Variants in ZSCAN12 observed in about 807,000 individuals in gnomAD.
ZSCAN12 encodes zinc finger and SCAN domain-containing protein 12.
A neutral mutation model predicts 23.4 loss-of-function variants in ZSCAN12; 18 were observed. The ratio of observed to expected loss-of-function variants is 0.77; its 90% CI spans 0.53 to 1.14. ZSCAN12 has a LOEUF of 1.14. ZSCAN12 is among the 50% of genes most tolerant of loss of function. The pLI is 0.00. For synonymous variants in ZSCAN12, 186 were observed against 253.4 expected (o/e 0.73, Z 2.53); for missense variants, 650 against 735.0 (o/e 0.88, Z 1.34).
chr6:28,387,920 G>T lies in ZSCAN12; in HGVS notation c.*2534C>A, dbSNP rs1377977743. Among the ~76,000 whole-genome samples, 1 of 152,180 alleles carries T rather than the reference G, an allele frequency of 6.6e-6. No homozygotes were observed. Among genetic ancestry groups the T allele is most frequent in the African/African-American group, 2.4e-5 (1 of 41,446 alleles). ...TGACTTAAGATGGTACTTTAGGACAGTAGTCTACCATCGTCTCAGTTTGCT... is the reference window on the plus strand; with the variant it reads ...TGACTTAAGATGGTACTTTAGGACATTAGTCTACCATCGTCTCAGTTTGCT... On this transcript the variant is annotated 3_prime_UTR_variant, in exon 4 of 4. Transcript: ENST00000684592.
At chr6:28,393,471 A>AC (rs1760960555) in intron 2 of ZSCAN12, among the ~76,000 whole-genome samples, 1 of 128,062 alleles carries the variant, frequency 7.8e-6, no homozygotes, top group East Asian at 2.2e-4. Context: ...TAGAGAAATG[A>AC]TAAAAAAAAA....
rs964052889 is a variant in ZSCAN12, at chr6:28,391,976, G to C, written c.548-234C>G. On this transcript the variant is annotated intron_variant, in intron 3 of 3. Coordinates refer to ENST00000684592, the MANE Select transcript of ZSCAN12 (RefSeq NM_001163391.2). The surrounding 1 kb of genome is among the most constrained non-coding windows in gnomAD (Gnocchi z 4.1). ...ATTTCAGAGTAGGAGGAAGAGACTA[G>C]GTGGCTGGGAAAATCGAGTAGAATA... Among the ~76,000 whole-genome samples the C allele has an allele frequency of 6.6e-6, 1 of 152,220 alleles. No individual in the cohort carries two copies. Among genetic ancestry groups the C allele is most frequent in the East Asian group, 1.9e-4 (1 of 5,176 alleles).
At chr6:28,395,676 CAG>C in intron 2 of ZSCAN12, among the ~76,000 whole-genome samples, 1 of 152,348 alleles carries the variant, frequency 6.6e-6, no homozygotes, top group African/African-American at 2.4e-5. Context: ...CTTTCCATCT[CAG>C]AATACAATTC....
rs1760922602 is a variant in ZSCAN12, at chr6:28,392,911, G to A, written c.538C>T (p.Gln180Ter). 6.4e-7 allele frequency: 1 copy of A among 1,552,038 alleles called. No individual in the cohort carries two copies. Among genetic ancestry groups the A allele is most frequent in the Admixed American group, 2.0e-5 (1 of 50,978 alleles). ...KYESPELESQQEQVLDVETGN... is the reference protein window; with the variant it reads ...KYESPELESQ ...GGTCTTTCTTCTTTACCTTGCTCCT[G>A]TTGGGATTCAAGTTCTGGAGATTCA... The change falls in exon 3 of 4, where the codon CAG (glutamine) becomes TAG (stop). Residue 180 changes from glutamine (Q) to a stop codon, truncating the protein, a stop_gained. Transcript: ENST00000684592. LOFTEE classifies it low-confidence loss of function (END_TRUNC).
intron 2 of ZSCAN12, 44 bp from the exon 3 acceptor site, chr6:28,393,090 G>A (rs1376261879): frequency 1.3e-6 from 2 of 1,540,554 alleles, no homozygotes; most frequent in Admixed American, 4.1e-5. Flanking sequence ...TCTGATAACA[G>A]AAAACAAAAA....
In ZSCAN12 at chr6:28,398,019, A is replaced by T; in HGVS notation, c.387T>A (p.Asp129Glu). The change falls in exon 2 of 4, where the codon GAT becomes GAA. Residue 129 changes from aspartate (D) to glutamate (E), a missense_variant. Coordinates refer to ENST00000684592, the MANE Select transcript of ZSCAN12 (RefSeq NM_001163391.2). ...TVLEDLERELDEPGEQVSVHT... is the reference protein window; with the variant it reads ...TVLEDLERELEEPGEQVSVHT... ...TTTTTCTCACCTGCTCTCCTGGTTC[A>T]TCCAGTTCTCTCTCTAAATCCTCCA... 4.4e-6 allele frequency: 7 copies of T among 1,599,704 alleles called. No individual in the cohort carries two copies. Among genetic ancestry groups the T allele is most frequent in the Non-Finnish European group, 6.0e-6 (7 of 1,174,338 alleles).
In ZSCAN12 at chr6:28,385,796, A is replaced by G. The variant is rs1760513035; in HGVS notation, c.*4658T>C. Among the ~76,000 whole-genome samples, 1 of 152,248 alleles carries G rather than the reference A, an allele frequency of 6.6e-6. No homozygotes were observed. Among genetic ancestry groups the G allele is most frequent in the African/African-American group, 2.4e-5 (1 of 41,474 alleles). On this transcript the variant is annotated 3_prime_UTR_variant, in exon 4 of 4. Coordinates refer to ENST00000684592, the MANE Select transcript of ZSCAN12 (RefSeq NM_001163391.2). ...TTTTCTCAATTCCAAAAGATGGCCA[A>G]TAAGAACAGCTTTGTTTTGACTATA... is the stretch of plus-strand genomic sequence containing the variant.
intron 2 of ZSCAN12, among the ~76,000 whole-genome samples, chr6:28,397,398 C>A (rs997687237): frequency 1.3e-5 from 2 of 152,194 alleles, no homozygotes; most frequent in Non-Finnish European, 2.9e-5. Context: ...TTAGGGGCAT[C>A]TGTCCTACAG....
Position 28,398,289 on chromosome 6 carries a change from G to C in ZSCAN12, c.117C>G (p.Thr39=). 1 of 1,601,198 alleles carries C rather than the reference G, an allele frequency of 6.2e-7. No individual in the cohort carries two copies. Among genetic ancestry groups the C allele is most frequent in the Non-Finnish European group, 8.5e-7 (1 of 1,173,750 alleles). Residue 39 remains threonine (T), a synonymous_variant, in exon 2 of 4, where the codon ACC becomes ACG. Coordinates refer to ENST00000684592, the MANE Select transcript of ZSCAN12 (RefSeq NM_001163391.2). ...ACTGACGGAAGACCTCTCTGCTATG[G>C]GTGTTGTTTTTACGCAGGTCCCAAT... ...RQDWDLRKNN[T]HSREVFRQYF...
chr6:28,398,159 C>A lies in ZSCAN12; in HGVS notation c.247G>T (p.Glu83Ter). 6.2e-7 allele frequency: 1 copy of A among 1,614,126 alleles called. No individual in the cohort carries two copies. The highest frequency in any genetic ancestry group is 8.5e-7 in the Non-Finnish European group (1 of 1,180,004). The change falls in exon 2 of 4, where the codon GAA becomes TAA. Residue 83 changes from glutamate (E) to a stop codon, truncating the protein, a stop_gained. Coordinates refer to ENST00000684592, the MANE Select transcript of ZSCAN12 (RefSeq NM_001163391.2). LOFTEE classifies it high-confidence loss of function. ...AGCACCAGCAGCTCCAGAATCTGTT[C>A]TTTGGTGTGGGTCTCTGGCCTCAGC... ...QWLRPETHTK[E>*]QILELLVLEQ... is the part of the protein sequence containing the mutation.
At position 28,390,719 on chromosome 6, in the gene ZSCAN12, G is replaced by A. The variant is rs1561957916; in HGVS notation, c.1571C>T (p.Pro524Leu). ...ATTCCCACACTCATCACACTTGTAG[G>A]GCCTCTCTCCAGTGTGGATTCTCTG... ...EHQRIHTGER[P>L]YKCDECGNAF... The change falls in exon 4 of 4, where the codon CCC (proline) becomes CTC (leucine). Residue 524 changes from proline (P) to leucine (L), a missense_variant. Physicochemically the swap from Pro to Leu is moderately conservative, Grantham distance 98. Transcript: ENST00000684592. 6.2e-7 allele frequency: 1 copy of A among 1,612,266 alleles called. No homozygotes were observed. Among genetic ancestry groups the A allele is most frequent in the Non-Finnish European group, 8.5e-7 (1 of 1,179,126 alleles).
At chr6:28,382,367 TA>T, downstream of ZSCAN12, 1 of 1,393,596 alleles carries the variant, frequency 7.2e-7, no homozygotes, top group Non-Finnish European at 9.3e-7. Context: ...GACAGCTCTG[TA>T]AAGTCCAGGT....
intron 1 of ZSCAN12, among the ~76,000 whole-genome samples, 158 bp from the exon 2 acceptor site, chr6:28,398,631 A>G (rs1188156183): frequency 6.6e-6 from 1 of 152,004 alleles, no homozygotes; most frequent in Non-Finnish European, 1.5e-5. Context: ...GATTAGACCG[A>G]TTTAGGCCGG....
At chr6:28,383,707 AG>A (rs1418580610), downstream of ZSCAN12, among the ~76,000 whole-genome samples, 1 of 152,180 alleles carries the variant, frequency 6.6e-6, no homozygotes, top group Non-Finnish European at 1.5e-5. Flanking sequence ...ACAAAAGGGA[AG>A]AAATCTCTCC....
In ZSCAN12 at chr6:28,393,052, G is replaced by A. The variant is rs1479783197; in HGVS notation, c.403-6C>T. ...TCCCCAGTGTGGACTGAGACCTGAG[G>A]AAAATGAGATGTAGCTGACAGACTC... On this transcript the variant is annotated splice_polypyrimidine_tract_variant and splice_region_variant and intron_variant, in intron 2 of 3. Transcript: ENST00000684592. The A allele has an allele frequency of 6.4e-7, 1 of 1,551,010 alleles. No homozygotes were observed. The highest frequency in any genetic ancestry group is 8.7e-7 in the Non-Finnish European group (1 of 1,146,752).
downstream of ZSCAN12, chr6:28,382,276 GC>G: frequency 1.7e-6 from 1 of 583,052 alleles, no homozygotes; most frequent in Non-Finnish European, 2.6e-6. Flanking sequence ...GGAACTACTG[GC>G]AAAGCTTCCT....
Position 28,391,012 on chromosome 6 carries a change from G to A in ZSCAN12, c.1278C>T (p.Asn426=). The change falls in exon 4 of 4, where the codon AAC becomes AAT. Residue 426 remains asparagine, a synonymous_variant. Transcript: ENST00000684592. This position sits in a 1 kb window ranked among gnomAD's most constrained non-coding sequence, Gnocchi z 4.1. The part of the protein sequence containing the change: ...CNECGKAFVY[N]SSLVSHQEIH... ...TTTCCTGATGGGAAACAAGGGATGA[G>A]TTATAAACAAAGGCTTTTCCACACT... is the stretch of plus-strand genomic sequence containing the variant. 6.4e-7 allele frequency: 1 copy of A among 1,556,670 alleles called. No individual in the cohort carries two copies. Among genetic ancestry groups the A allele is most frequent in the East Asian group, 2.4e-5 (1 of 41,498 alleles).
downstream of ZSCAN12, among the ~76,000 whole-genome samples, chr6:28,384,684 A>C (rs1296897738): frequency 6.6e-6 from 1 of 152,250 alleles, no homozygotes; most frequent in African/African-American, 2.4e-5. Flanking sequence ...CAAATTATAT[A>C]CATGAGGTCA....
exon 5 of ZSCAN12, chr6:28,379,445 C>G (rs534728880): frequency 6.6e-6 from 1 of 152,036 alleles, no homozygotes; most frequent in Non-Finnish European, 1.5e-5. Flanking sequence ...ACTAAAAATA[C>G]AAAAATTAGC....
Sources: gnomAD v4.1 joint callset for allele counts (sites outside exome capture counted in the v4.1 genomes callset) on GRCh38, gnomAD v4.1.1 for gene constraint, Gnocchi (gnomAD v3.1) non-coding constraint, MANE v1.5 for transcripts, NCBI Gene and HGNC (gene_info 2026-07-23, HGNC 2026-07-21) for gene names.